The following ZNF567 variants were observed in gnomAD, a reference collection of about 807,000 sequenced individuals.
The protein encoded by ZNF567 is zinc finger protein 567.
Under a neutral mutation model 53.9 loss-of-function variants are expected in ZNF567, and 36 were observed. The observed-to-expected ratio is 0.67, with a 90% CI of 0.51 to 0.88. The LOEUF is 0.88. ZNF567 is among the 40% of genes least tolerant of loss of function. ZNF567 has a pLI of 0.00. For synonymous variants in ZNF567, 224 were observed against 260.4 expected (o/e 0.86, Z 1.35); for missense variants, 619 against 764.7 (o/e 0.81, Z 2.25).
At chr19:36,675,429 C>T in the ZNF567 span, among the ~76,000 whole-genome samples, 1 of 152,054 alleles carries the variant, frequency 6.6e-6, no homozygotes, top group Non-Finnish European at 1.5e-5. Flanking sequence ...AATCCCAGCA[C>T]TTTGGGAGGC....
intron 2 of ZNF567, among the ~76,000 whole-genome samples, chr19:36,690,796 T>C (rs1207385332): frequency 6.6e-6 from 1 of 152,184 alleles, no homozygotes; most frequent in Non-Finnish European, 1.5e-5. Context: ...TGGATGAATT[T>C]TATGGTGTGT....
chr19:36,677,458 CAAAAAAAAAAA>C, the ZNF567 span, among the ~76,000 whole-genome samples: 4,058 of 50,890 alleles, frequency 0.08, 214 homozygotes, highest in African/African-American at 0.25. Context: ...GACTCTGTCT[CAAAAAAAAAAA>C]AAAAAAAAAA....
At chr19:36,688,633 C>A (rs1355841052) in intron 1 of ZNF567, among the ~76,000 whole-genome samples, 1 of 151,312 alleles carries the variant, frequency 6.6e-6, no homozygotes, top group East Asian at 2.0e-4. Flanking sequence ...TGGTGAAACC[C>A]CGTCTCTACT....
intron 1 of ZNF567, among the ~76,000 whole-genome samples, 184 bp from the exon 2 acceptor site, chr19:36,689,213 C>T (rs2038452944): frequency 6.6e-6 from 1 of 150,940 alleles, no homozygotes; most frequent in African/African-American, 2.4e-5. Context: ...TCATAACTGC[C>T]ACTCTCAAAA....
chr19:36,674,939 A>G, the ZNF567 span, among the ~76,000 whole-genome samples: 1 of 152,094 alleles, frequency 6.6e-6, no homozygotes, highest in African/African-American at 2.4e-5. Flanking sequence ...TTTTTAGTAG[A>G]GATGGGTTTC....
intron 2 of ZNF567, 95 bp from the exon 3 acceptor site, chr19:36,694,707 A>G (rs2038788287): frequency 4.8e-6 from 3 of 629,418 alleles, no homozygotes; most frequent in Non-Finnish European, 5.4e-6. Context: ...AAGGATCAAT[A>G]CAAGGGAAAT....
chr19:36,673,204 G>T, the ZNF567 span, among the ~76,000 whole-genome samples: 7 of 152,284 alleles, frequency 4.6e-5, no homozygotes, highest in South Asian at 2.1e-4. Context: ...CAGGATAGTT[G>T]TATCATGTTA....
intron 5 of ZNF567, among the ~76,000 whole-genome samples, chr19:36,717,457 A>G (rs527318351): frequency 7.2e-5 from 11 of 152,314 alleles, no homozygotes; most frequent in Admixed American, 3.3e-4. Context: ...TAAGGTATAT[A>G]TAGGGCAGTA....
chr19:36,688,806 CAA>C (rs35120151), intron 1 of ZNF567, among the ~76,000 whole-genome samples: 7 of 112,140 alleles, frequency 6.2e-5, no homozygotes, highest in African/African-American at 1.0e-4. Flanking sequence ...GACTCCGTCT[CAA>C]AAAAAAAAAA....
At chr19:36,715,494 AATAATAATAATAATAATTATTATT>A (rs1441770891) in intron 5 of ZNF567, among the ~76,000 whole-genome samples, 12 of 77,810 alleles carry the variant, frequency 1.5e-4, no homozygotes, top group South Asian at 4.6e-4. Flanking sequence ...TAATAATAAT[AATAATAATAATAATAATTATTATT>A]ATTATTATTA....
At chr19:36,713,506 A>G (rs1433590234) in intron 5 of ZNF567, among the ~76,000 whole-genome samples, 1 of 152,076 alleles carries the variant, frequency 6.6e-6, no homozygotes, top group African/African-American at 2.4e-5. Context: ...GCTACTCAGA[A>G]GGTTGAGGTA....
chr19:36,677,681 C>T, the ZNF567 span, among the ~76,000 whole-genome samples: 8 of 148,742 alleles, frequency 5.4e-5, no homozygotes, highest in Non-Finnish European at 7.5e-5. Flanking sequence ...GCAGAAGAAT[C>T]GCTTGAACCC....
At chr19:36,698,846 G>A (rs369171172) in intron 3 of ZNF567, among the ~76,000 whole-genome samples, 8 of 151,918 alleles carry the variant, frequency 5.3e-5, no homozygotes, top group African/African-American at 1.7e-4. Context: ...AGTAGGTTGC[G>A]AAAATTTTCT....
At chr19:36,690,782 T>C (rs2038562235) in intron 2 of ZNF567, among the ~76,000 whole-genome samples, 1 of 152,212 alleles carries the variant, frequency 6.6e-6, no homozygotes, top group Non-Finnish European at 1.5e-5. Context: ...TCGTATACTT[T>C]AGATGGATGA....
chr19:36,676,055 C>CTTTTTTTTTTTTTTTTTT, the ZNF567 span, among the ~76,000 whole-genome samples: 29 of 60,618 alleles, frequency 4.8e-4, 7 homozygotes, highest in Non-Finnish European at 7.4e-4. Flanking sequence ...TATTCTACAC[C>CTTTTTTTTTTTTTTTTTT]TTTTTTTTTT....
At chr19:36,724,794 G>A (rs2040328976), downstream of ZNF567, among the ~76,000 whole-genome samples, 1 of 151,652 alleles carries the variant, frequency 6.6e-6, no homozygotes, top group African/African-American at 2.4e-5. Context: ...GTTGCAGTGA[G>A]CTGTGATTGT....
the ZNF567 span, among the ~76,000 whole-genome samples, chr19:36,673,117 A>C: frequency 6.6e-6 from 1 of 152,276 alleles, no homozygotes; most frequent in South Asian, 2.1e-4. Context: ...AAGTTATGGG[A>C]TATCAGGGAG....
chr19:36,714,478 C>T, intron 5 of ZNF567: 2 of 398,474 alleles, frequency 5.0e-6, no homozygotes, highest in Non-Finnish European at 8.8e-6. Flanking sequence ...TAATAGATTT[C>T]TTTCAGGCTT....
the ZNF567 span, among the ~76,000 whole-genome samples, chr19:36,674,521 C>T: frequency 1.5e-4 from 23 of 152,228 alleles, no homozygotes; most frequent in African/African-American, 5.5e-4. Context: ...TGTCCTCTTA[C>T]TGATAGCAGG....
Sources: gnomAD v4.1 joint callset for allele counts (sites outside exome capture counted in the v4.1 genomes callset) on GRCh38, gnomAD v4.1.1 for gene constraint, MANE v1.5 for transcripts, NCBI Gene and HGNC (gene_info 2026-07-23, HGNC 2026-07-21) for gene names.